RBFOX3: variants seen among roughly 807,000 people sequenced by gnomAD.
RBFOX3 encodes the protein RNA binding fox-1 homolog 3.
In RBFOX3, 17 loss-of-function variants were observed where a neutral mutation model predicts 48.7. That is an observed-to-expected ratio of 0.35 (90% CI 0.24 to 0.52). The LOEUF (loss-of-function observed/expected upper bound fraction) is 0.52. Among genes scored for constraint, RBFOX3 ranks in the 20% least tolerant of loss-of-function variants. The pLI, the probability that RBFOX3 is intolerant of heterozygous loss-of-function variation, is 0.94. For synonymous variants in RBFOX3, 212 were observed against 209.5 expected (o/e 1.01, Z -0.10); for missense variants, 382 against 497.5 (o/e 0.77, Z 2.21).
chr17:79,304,757 A>T (rs2075860967), intron 3 of RBFOX3, among the ~76,000 whole-genome samples: 1 of 152,200 alleles, frequency 6.6e-6, no homozygotes, highest in Admixed American at 6.5e-5. Context: ...ATGAAAGAGG[A>T]TGGAAGTCAA....
chr17:79,493,149 C>T (rs1375527204), intron 1 of RBFOX3, among the ~76,000 whole-genome samples: 3 of 151,928 alleles, frequency 2.0e-5, no homozygotes, highest in Admixed American at 6.6e-5. Context: ...GCGTATCACA[C>T]GGCAAGAGGG....
At chr17:79,184,634 A>G (rs117837821) in intron 4 of RBFOX3, among the ~76,000 whole-genome samples, 13,613 of 152,300 alleles carry the variant, frequency 0.089, 843 homozygotes, top group Non-Finnish European at 0.13. Context: ...AGGCAGAGCC[A>G]GTGGCTCATG....
At chr17:79,163,277 C>A (rs2047332374) in intron 4 of RBFOX3, among the ~76,000 whole-genome samples, 1 of 152,220 alleles carries the variant, frequency 6.6e-6, no homozygotes, top group Non-Finnish European at 1.5e-5. Context: ...CCGCTCCTGC[C>A]CCGCCTGGGG....
chr17:79,404,280 C>T (rs2063248990), intron 2 of RBFOX3, among the ~76,000 whole-genome samples: 1 of 152,138 alleles, frequency 6.6e-6, no homozygotes, highest in Admixed American at 6.5e-5. Context: ...CCCTCCATGT[C>T]CCAGCCCACC....
the RBFOX3 span, among the ~76,000 whole-genome samples, chr17:79,650,325 C>T: frequency 3.9e-5 from 6 of 152,100 alleles, no homozygotes; most frequent in Admixed American, 6.5e-5. Context: ...AGCTAGGGAC[C>T]TGTGGGGTGG....
chr17:79,093,747 G>A (rs1452828466), intron 14 of RBFOX3, among the ~76,000 whole-genome samples: 1 of 151,648 alleles, frequency 6.6e-6, no homozygotes, highest in African/African-American at 2.4e-5. Context: ...GCTGGAAGCA[G>A]CTCTGGGTGC....
intron 5 of RBFOX3, among the ~76,000 whole-genome samples, chr17:79,112,735 A>G (rs868219402): frequency 6.6e-6 from 1 of 151,932 alleles, no homozygotes; most frequent in African/African-American, 2.4e-5. Context: ...CCCCCTCTCC[A>G]CTGCCCTGGC....
chr17:79,168,608 G>A (rs1024551433), intron 4 of RBFOX3, among the ~76,000 whole-genome samples: 1 of 152,202 alleles, frequency 6.6e-6, no homozygotes, highest in East Asian at 1.9e-4. Flanking sequence ...AGGGGTCACT[G>A]AGCAGGTGTG....
In RBFOX3 at chr17:79,421,865, G is replaced by T. The variant is rs1392880578; in HGVS notation, c.-175+60589C>A. Among the ~76,000 whole-genome samples, 1 of 152,122 alleles carries T rather than the reference G, an allele frequency of 6.6e-6. No individual in the cohort carries two copies. The highest frequency in any genetic ancestry group is 1.5e-5 in the Non-Finnish European group (1 of 68,020). On this transcript the variant is annotated intron_variant, in intron 2 of 14. Transcript: ENST00000693108. This position sits in a 1 kb window ranked among gnomAD's most constrained non-coding sequence, Gnocchi z 4.5. ...AGGCCCCGTGAGGGTGGCCCACGAG[G>T]CTCATGGGTTCCAGGAACCCACGCC...
At chr17:79,262,653 G>A (rs2065979865) in intron 3 of RBFOX3, among the ~76,000 whole-genome samples, 1 of 152,232 alleles carries the variant, frequency 6.6e-6, no homozygotes, top group Non-Finnish European at 1.5e-5. Flanking sequence ...CACGGTGCCA[G>A]CTGTGGACAA....
intron 4 of RBFOX3, among the ~76,000 whole-genome samples, chr17:79,147,662 C>T (rs377242257): frequency 2.0e-5 from 3 of 152,216 alleles, no homozygotes; most frequent in African/African-American, 7.2e-5. Context: ...AGGCAGAGCA[C>T]GTGGAGCCCA....
At chr17:79,495,483 A>G (rs376308450) in intron 1 of RBFOX3, among the ~76,000 whole-genome samples, 3,447 of 3,890 alleles carry the variant, frequency 0.89, 1,589 homozygotes, top group Middle Eastern at 1. Flanking sequence ...CAAAAAGGCA[A>G]GAAGGTGGGG....
rs934113636 is a variant in RBFOX3, at chr17:79,489,139, C to T, written c.-319-6541G>A. Among the ~76,000 whole-genome samples, 126 of 151,610 alleles carry T rather than the reference C, an allele frequency of 8.3e-4. 2 individuals are homozygous for T. Among genetic ancestry groups the T allele is most frequent in the Admixed American group, 1.2e-3 (19 of 15,224 alleles). Reference sequence around the variant, plus strand: ...TTGCAAAATCTCAGAGGACTCCACTCGCACATTTTAGATTTTACTTTTCTC... The same window carrying T: ...TTGCAAAATCTCAGAGGACTCCACTTGCACATTTTAGATTTTACTTTTCTC... On this transcript the variant is annotated intron_variant, in intron 1 of 14. Transcript: ENST00000693108.
intron 2 of RBFOX3, among the ~76,000 whole-genome samples, chr17:79,321,371 C>T (rs1300802784): frequency 1.3e-5 from 2 of 152,222 alleles, no homozygotes; most frequent in African/African-American, 4.8e-5. Flanking sequence ...GAGGCTATGG[C>T]AGCCAGGTCC....
chr17:79,331,658 T>C (rs560246364), intron 2 of RBFOX3, among the ~76,000 whole-genome samples: 11 of 152,332 alleles, frequency 7.2e-5, no homozygotes, highest in African/African-American at 2.2e-4. Flanking sequence ...CAATCACTTT[T>C]GTTCTCTGCT....
At chr17:79,487,622 G>A (rs1200282253) in intron 1 of RBFOX3, among the ~76,000 whole-genome samples, 1 of 152,172 alleles carries the variant, frequency 6.6e-6, no homozygotes, top group Non-Finnish European at 1.5e-5. Flanking sequence ...CAATCTGGGT[G>A]AGTGGCATGG....
intron 3 of RBFOX3, among the ~76,000 whole-genome samples, chr17:79,240,548 A>G (rs1209041056): frequency 1.3e-5 from 2 of 152,240 alleles, no homozygotes; most frequent in Non-Finnish European, 2.9e-5. Context: ...GGCACTGAAT[A>G]TACATCATTG....
chr17:79,148,178 C>T (rs570770670), intron 4 of RBFOX3, among the ~76,000 whole-genome samples: 1 of 152,354 alleles, frequency 6.6e-6, no homozygotes, highest in African/African-American at 2.4e-5. Flanking sequence ...ATGGCTAACA[C>T]TCCTTGCAGC....
At chr17:79,366,939 G>A (rs2057849237) in intron 2 of RBFOX3, among the ~76,000 whole-genome samples, 1 of 152,198 alleles carries the variant, frequency 6.6e-6, no homozygotes, top group Admixed American at 6.5e-5. Context: ...CAAGGGCCCT[G>A]GGGAGGGTCC....
Sources: allele counts gnomAD v4.1 joint callset (sites outside exome capture counted in the v4.1 genomes callset), GRCh38; gene constraint gnomAD v4.1.1; non-coding constraint Gnocchi (gnomAD v3.1); transcripts MANE v1.5; gene names NCBI Gene and HGNC (gene_info 2026-07-23, HGNC 2026-07-21).